The following EDNRA variants were observed in gnomAD, a reference collection of about 807,000 sequenced individuals.
The protein encoded by EDNRA is endothelin receptor type A.
A neutral mutation model predicts 41.4 loss-of-function variants in EDNRA; 11 were observed. That is an observed-to-expected ratio of 0.27 (90% CI 0.17 to 0.44). EDNRA has a LOEUF of 0.44. Ranked by LOEUF, EDNRA falls within the 20% of genes least tolerant of loss-of-function variation. The pLI is 1.00. For synonymous variants in EDNRA, 172 were observed against 183.0 expected, an observed-to-expected ratio of 0.94 and a Z score of 0.49; for missense variants, 294 against 531.0, an observed-to-expected ratio of 0.55 and a Z score of 4.39.
rs1730238216 is a variant in EDNRA at position 147,519,504 on chromosome 4, C to G, written c.421-347C>G. 6.6e-6 allele frequency among the ~76,000 whole-genome samples: 1 copy of G among 150,606 alleles called. No homozygotes were observed. The highest frequency in any genetic ancestry group is 1.5e-5 in the Non-Finnish European group (1 of 67,738). On this transcript the variant is annotated intron_variant, in intron 2 of 7. Coordinates refer to ENST00000651419, the MANE Select transcript of EDNRA (RefSeq NM_001957.4). This position sits in a 1 kb window ranked among gnomAD's most constrained non-coding sequence, Gnocchi z 4.1. The stretch of plus-strand genomic sequence containing the variant: ...AGTTGATGTGAGATCAAAGGCACAT[C>G]TCTTCTGTTATTAAATTGTATTATA...
intron 3 of EDNRA, among the ~76,000 whole-genome samples, chr4:147,528,322 A>C (rs1234560424): frequency 6.7e-6 from 1 of 149,122 alleles, no homozygotes; most frequent in African/African-American, 2.5e-5. Context: ...TATGAAGCTT[A>C]TATGCTTTTT....
intron 6 of EDNRA, 58 bp from the exon 7 acceptor site, chr4:147,540,319 T>G: frequency 7.6e-7 from 1 of 1,318,726 alleles, no homozygotes; most frequent in Non-Finnish European, 1.1e-6. Context: ...GAAATGCTAG[T>G]GAGCAGATTT....
intron 2 of EDNRA, among the ~76,000 whole-genome samples, chr4:147,500,519 A>T (rs1729481117): frequency 6.6e-6 from 1 of 152,172 alleles, no homozygotes. Flanking sequence ...TAAGTTCGAG[A>T]CTAGCCAGAG....
intron 2 of EDNRA, among the ~76,000 whole-genome samples, chr4:147,514,568 G>T (rs1303913002): frequency 6.6e-6 from 1 of 152,004 alleles, no homozygotes; most frequent in African/African-American, 2.4e-5. Flanking sequence ...TTGCCTCCCA[G>T]GTTCAAGTGA....
chr4:147,488,097 A>G (rs1301852759), intron 2 of EDNRA: 2 of 152,214 alleles, frequency 1.3e-5, no homozygotes, highest in Non-Finnish European at 2.9e-5. Context: ...GAACCAACCC[A>G]TCATGGCTCA....
At chr4:147,509,592 C>T (rs1171843543) in intron 2 of EDNRA, among the ~76,000 whole-genome samples, 2 of 152,178 alleles carry the variant, frequency 1.3e-5, no homozygotes, top group East Asian at 3.9e-4. Flanking sequence ...TCTGTATTTA[C>T]AGCTGCTCCC....
Position 147,523,471 on chromosome 4 carries a change from G to GT in EDNRA, c.548+3495dup, listed in dbSNP as rs772676343. ...TTTTGTTGGGTGTTTGTTTTTTTTT[G>GT]TTGTTGTTGTTTTTTTGTTTTTTTT... On this transcript the variant is annotated intron_variant, in intron 3 of 7. Transcript: ENST00000651419. 2.8e-3 allele frequency among the ~76,000 whole-genome samples: 290 copies of GT among 104,468 alleles called. 13 individuals are homozygous for GT. Among genetic ancestry groups the GT allele is most frequent in the African/African-American group, 8.2e-3 (159 of 19,384 alleles). 68.5% of individuals were successfully genotyped at this position (104,468 alleles called of 152,430 possible).
At position 147,519,068 on chromosome 4, in the gene EDNRA, T is replaced by C. The variant is rs966838319; in HGVS notation, c.421-783T>C. ...CAAACAAGGTTGGAAATTGTCAACATGGAAGAACAGATTTTTCTGCATGTG... is the reference window on the plus strand; with the variant it reads ...CAAACAAGGTTGGAAATTGTCAACACGGAAGAACAGATTTTTCTGCATGTG... On this transcript the variant is annotated intron_variant, in intron 2 of 7. Transcript: ENST00000651419. The surrounding 1 kb of genome is among the most constrained non-coding windows in gnomAD (Gnocchi z 4.1). Among the ~76,000 whole-genome samples the C allele has an allele frequency of 6.6e-6, 1 of 152,224 alleles. No homozygotes were observed. Among genetic ancestry groups the C allele is most frequent in the African/African-American group, 2.4e-5 (1 of 41,458 alleles).
intron 3 of EDNRA, among the ~76,000 whole-genome samples, chr4:147,528,357 C>CTTTTTTTTTTTTTTTTTTTTT: frequency 8.4e-6 from 1 of 119,468 alleles, no homozygotes; most frequent in Non-Finnish European, 1.7e-5. Flanking sequence ...TTCTTGCTTT[C>CTTTTTTTTTTTTTTTTTTTTT]TTTTTTTTTT....
rs768731632 is a variant in EDNRA at position 147,486,138 on chromosome 4, C to T, written c.420+37C>T. The T allele has an allele frequency of 1.9e-6, 3 of 1,563,394 alleles. No individual in the cohort carries two copies. The highest frequency in any genetic ancestry group is 2.6e-6 in the Non-Finnish European group (3 of 1,153,420). ...CCACAAATGTATTTGCAAATTTAAA[C>T]CCATGCTCTGATTCCACGTGGAGAG... On this transcript the variant is annotated intron_variant, in intron 2 of 7. Transcript: ENST00000651419. This position sits in a 1 kb window ranked among gnomAD's most constrained non-coding sequence, Gnocchi z 4.3.
rs1216625162 is a variant in EDNRA at position 147,532,166 on chromosome 4, A to T, written c.549-340A>T. ...TCTCTACTAAAAAAAAAAAAAAAAA[A>T]ATACAAAAAATTAGCCGGGCGTGGT... is the stretch of plus-strand genomic sequence containing the variant. On this transcript the variant is annotated intron_variant, in intron 3 of 7. Coordinates refer to ENST00000651419, the MANE Select transcript of EDNRA (RefSeq NM_001957.4). Among the ~76,000 whole-genome samples the T allele has an allele frequency of 3.0e-3, 343 of 113,956 alleles. 5 individuals are homozygous for T. Among genetic ancestry groups the T allele is most frequent in the East Asian group, 0.013 (55 of 4,138 alleles). The allele number at this position is 113,956 out of a possible 152,430, so 74.8% of individuals were successfully genotyped here. A position where few individuals can be genotyped will look rare whatever the true frequency, so the allele number is the denominator to read the frequency against.
chr4:147,485,392 G>T (rs1034414403), intron 1 of EDNRA, among the ~76,000 whole-genome samples: 7 of 152,166 alleles, frequency 4.6e-5, no homozygotes, highest in African/African-American at 1.4e-4. Flanking sequence ...GGAGATGATG[G>T]AGATGGAGAT....
chr4:147,532,815 T>C, intron 4 of EDNRA, 111 bp downstream of exon 4: 1 of 1,115,820 alleles, frequency 9.0e-7, no homozygotes, highest in Non-Finnish European at 1.3e-6. Context: ...GTTTCTTCTG[T>C]CAAATATTCC....
At chr4:147,506,536 A>G in intron 2 of EDNRA, 2 of 277,224 alleles carry the variant, frequency 7.2e-6, no homozygotes, top group South Asian at 4.7e-5. Flanking sequence ...GAGAAAACAG[A>G]TGGAAAATAA....
At chr4:147,530,886 T>C (rs545041269) in intron 3 of EDNRA, among the ~76,000 whole-genome samples, 1 of 152,334 alleles carries the variant, frequency 6.6e-6, no homozygotes, top group East Asian at 1.9e-4. Context: ...CGGTCTGTTT[T>C]ACAGCCTTCT....
chr4:147,504,957 C>CA (rs57911108), intron 2 of EDNRA, among the ~76,000 whole-genome samples: 592 of 38,758 alleles, frequency 0.015, 18 homozygotes, highest in Admixed American at 0.039. Flanking sequence ...GACCCTGTCT[C>CA]AAAAAAAAAA....
chr4:147,495,945 A>G (rs1729286633), intron 2 of EDNRA: 1 of 152,246 alleles, frequency 6.6e-6, no homozygotes, highest in Non-Finnish European at 1.5e-5. Context: ...ATTTTTAAAG[A>G]TTTGCATATA....
chr4:147,505,891 G>A (rs865851131), intron 2 of EDNRA, among the ~76,000 whole-genome samples: 1 of 151,690 alleles, frequency 6.6e-6, no homozygotes, highest in African/African-American at 2.4e-5. Context: ...CAGGAGATCC[G>A]CCCGCCTTGG....
At chr4:147,482,530 C>T (rs953510549) in intron 1 of EDNRA, among the ~76,000 whole-genome samples, 1 of 152,184 alleles carries the variant, frequency 6.6e-6, no homozygotes, top group Non-Finnish European at 1.5e-5. Context: ...GCTACAGACC[C>T]ACCTTGGAAG....
Sources: gnomAD v4.1 joint callset for allele counts (sites outside exome capture counted in the v4.1 genomes callset) on GRCh38, gnomAD v4.1.1 for gene constraint, Gnocchi (gnomAD v3.1) non-coding constraint, MANE v1.5 for transcripts, NCBI Gene and HGNC (gene_info 2026-07-23, HGNC 2026-07-21) for gene names.